ADRA1B: variants seen among roughly 807,000 people sequenced by gnomAD.
ADRA1B encodes adrenoceptor alpha 1B, also known as alpha-1B adrenergic receptor.
Under a neutral mutation model 17.9 loss-of-function variants are expected in ADRA1B, and 17 were observed. The observed-to-expected ratio is 0.95, with a 90% CI of 0.65 to 1.42. The LOEUF (loss-of-function observed/expected upper bound fraction) is 1.42. Among genes scored for constraint, ADRA1B ranks in the 40% most tolerant of loss-of-function variants. The pLI, the probability that ADRA1B is intolerant of heterozygous loss-of-function variation, is 0.00. For missense variants in ADRA1B, 681 were observed against 722.1 expected (o/e 0.94, Z 0.65); for synonymous variants, 366 against 327.6 (o/e 1.12, Z -1.27).
intron 1 of ADRA1B, among the ~76,000 whole-genome samples, chr5:159,865,983 C>G (rs930491342): frequency 6.6e-6 from 1 of 152,136 alleles, no homozygotes; most frequent in Non-Finnish European, 1.5e-5. Flanking sequence ...TAACTCATTT[C>G]AGCTTTACAT....
chr5:159,876,022 C>T (rs146087897), intron 1 of ADRA1B, among the ~76,000 whole-genome samples: 2,045 of 151,842 alleles, frequency 0.013, 56 homozygotes, highest in African/African-American at 0.046. Context: ...AACCCCATCT[C>T]TACTAAAAAT....
At chr5:159,886,574 T>C (rs1242762536) in intron 1 of ADRA1B, among the ~76,000 whole-genome samples, 1 of 152,098 alleles carries the variant, frequency 6.6e-6, no homozygotes, top group African/African-American at 2.4e-5. Context: ...AGAAAGCAAA[T>C]ACTTGAAGCT....
intron 1 of ADRA1B, among the ~76,000 whole-genome samples, chr5:159,922,815 G>A (rs1006192261): frequency 6.6e-6 from 1 of 152,234 alleles, no homozygotes; most frequent in Admixed American, 6.5e-5. Flanking sequence ...CGATATAATG[G>A]TGAGCGAAAT....
At chr5:159,871,692 AC>A (rs1343247589) in intron 1 of ADRA1B, among the ~76,000 whole-genome samples, 1 of 152,006 alleles carries the variant, frequency 6.6e-6, no homozygotes, top group Non-Finnish European at 1.5e-5. Context: ...ATTCACAGGT[AC>A]TGGGGTGGTG....
chr5:159,921,654 A>C, intron 1 of ADRA1B, among the ~76,000 whole-genome samples: 1 of 152,210 alleles, frequency 6.6e-6, no homozygotes, highest in Non-Finnish European at 1.5e-5. Flanking sequence ...AAAATGCTGG[A>C]AGGCACCAGG....
intron 1 of ADRA1B, chr5:159,951,608 G>C: frequency 2.4e-6 from 1 of 414,236 alleles, no homozygotes; most frequent in Non-Finnish European, 4.5e-6. Context: ...ATGGATAGAC[G>C]AGACCACTGT....
At chr5:159,923,294 C>T (rs895270978) in intron 1 of ADRA1B, among the ~76,000 whole-genome samples, 45 of 152,252 alleles carry the variant, frequency 3.0e-4, no homozygotes, top group Admixed American at 1.8e-3. Context: ...CTGTCTGAAT[C>T]GTGTCTTTTA....
chr5:159,964,168 C>A (rs1017119658), intron 1 of ADRA1B, among the ~76,000 whole-genome samples: 1 of 152,206 alleles, frequency 6.6e-6, no homozygotes, highest in African/African-American at 2.4e-5. Context: ...GAGCAAATAT[C>A]TATTTCAGCA....
intron 1 of ADRA1B, chr5:159,869,758 C>G (rs545344481): frequency 2.6e-4 from 40 of 152,322 alleles, no homozygotes; most frequent in African/African-American, 9.4e-4. Flanking sequence ...CCCTGTATCT[C>G]AGTCTCCTCA....
intron 1 of ADRA1B, chr5:159,951,307 C>G (rs1418383139): frequency 7.5e-7 from 1 of 1,332,478 alleles, no homozygotes; most frequent in Non-Finnish European, 1.1e-6. Context: ...ACAAGCTTCC[C>G]TTTCTCAGCC....
At chr5:159,976,423 G>A (rs1755975200), downstream of ADRA1B, among the ~76,000 whole-genome samples, 1 of 152,082 alleles carries the variant, frequency 6.6e-6, no homozygotes, top group East Asian at 1.9e-4. Context: ...GGGAGGCTGG[G>A]TGGATCATTT....
At chr5:159,919,514 C>T (rs936014467) in intron 1 of ADRA1B, among the ~76,000 whole-genome samples, 11 of 152,220 alleles carry the variant, frequency 7.2e-5, no homozygotes, top group Admixed American at 7.2e-4. Flanking sequence ...ATGGAGTTTG[C>T]ATTAATGTAT....
Position 159,918,986 on chromosome 5 carries a change from G to A in ADRA1B, c.949+1132G>A, listed in dbSNP as rs117045377. ...CACATATGCCTGCAATCACACCGGA[G>A]TCTCAGGTCAGACCCAAATATAACC... On this transcript the variant is annotated intron_variant, in intron 1 of 1. Transcript: ENST00000306675. Among the ~76,000 whole-genome samples the A allele has an allele frequency of 2.0e-5, 3 of 152,166 alleles. No individual in the cohort carries two copies. The East Asian group carries it at 5.8e-4, about 29-fold the overall frequency.
rs568560369 is a variant in ADRA1B at position 159,942,048 on chromosome 5, G to A, written c.949+24194G>A. On this transcript the variant is annotated intron_variant, in intron 1 of 1. Transcript: ENST00000306675. ...CATCATTCTACTGCCTCAGCCTCCC[G>A]AGTAGTTGGGACTACAGGTGCCCGC... Among the ~76,000 whole-genome samples the A allele has an allele frequency of 6.0e-5, 9 of 149,608 alleles. No homozygotes were observed. In the East Asian group the frequency reaches 6.1e-4, roughly 10 times the overall value.
chr5:159,890,551 G>A (rs2113102641), intron 1 of ADRA1B, among the ~76,000 whole-genome samples: 1 of 152,322 alleles, frequency 6.6e-6, no homozygotes, highest in East Asian at 1.9e-4. Context: ...AAAGGCTGAA[G>A]GCTGCACTCA....
chr5:159,941,319 G>A (rs1755119831), intron 1 of ADRA1B, among the ~76,000 whole-genome samples: 1 of 152,200 alleles, frequency 6.6e-6, no homozygotes, highest in African/African-American at 2.4e-5. Flanking sequence ...CAGTGCTGAG[G>A]TGTTTTTCAG....
intron 1 of ADRA1B, chr5:159,888,443 T>C (rs1042224037): frequency 6.6e-6 from 1 of 152,130 alleles, no homozygotes; most frequent in Non-Finnish European, 1.5e-5. Flanking sequence ...TGAAACCTAT[T>C]TGGAATTGAC....
intron 1 of ADRA1B, among the ~76,000 whole-genome samples, chr5:159,922,847 G>T (rs1221963678): frequency 6.6e-6 from 1 of 152,240 alleles, no homozygotes; most frequent in African/African-American, 2.4e-5. Context: ...ATAGAATTTG[G>T]CTCTAGTAGG....
chr5:159,985,633 C>G, the ADRA1B span, among the ~76,000 whole-genome samples: 1 of 152,234 alleles, frequency 6.6e-6, no homozygotes, highest in Admixed American at 6.5e-5. Context: ...TTGACAAACA[C>G]TACACATCAG....
Sources: gnomAD v4.1 joint callset for allele counts (sites outside exome capture counted in the v4.1 genomes callset) on GRCh38, gnomAD v4.1.1 for gene constraint, MANE v1.5 for transcripts, NCBI Gene and HGNC (gene_info 2026-07-23, HGNC 2026-07-21) for gene names.